The following ZNF92 variants were observed in gnomAD, a reference collection of about 807,000 sequenced individuals.
ZNF92 encodes zinc finger protein 92, also known as epididymis luminal protein 203.
In ZNF92, 11 loss-of-function variants were observed where a neutral mutation model predicts 12.4. That is an observed-to-expected ratio of 0.89 (90% CI 0.56 to 1.47). The LOEUF (loss-of-function observed/expected upper bound fraction) is 1.47, where lower values mean the gene tolerates loss of function less well. Among genes scored for constraint, ZNF92 ranks in the 40% most tolerant of loss-of-function variants. The pLI is 0.00. For synonymous variants in ZNF92, 206 were observed against 228.6 expected (o/e 0.90, Z 0.89); for missense variants, 622 against 681.0 (o/e 0.91, Z 0.96).
intron 1 of ZNF92, among the ~76,000 whole-genome samples, chr7:65,380,443 T>G (rs1187416452): frequency 1.3e-5 from 2 of 152,054 alleles, no homozygotes; most frequent in Non-Finnish European, 2.9e-5. Context: ...TTTTTCTTTT[T>G]GTATTTTTTG....
chr7:65,399,432 T>G lies in ZNF92; in HGVS notation c.1318T>G (p.Phe440Val). The G allele has an allele frequency of 6.2e-7, 1 of 1,603,088 alleles. No homozygotes were observed. The highest frequency in any genetic ancestry group is 8.5e-7 in the Non-Finnish European group (1 of 1,176,378). ...CGKAFSWSSA[F>V]TKHKRNHMED... is the part of the protein sequence containing the mutation. ...CAAGGCCTTTAGCTGGTCCTCAGCTTTTACTAAACATAAGAGAAATCATAT... is the reference window on the plus strand; with the variant it reads ...CAAGGCCTTTAGCTGGTCCTCAGCTGTTACTAAACATAAGAGAAATCATAT... The change falls in exon 4 of 4, where the codon TTT (phenylalanine) becomes GTT (valine). Residue 440 changes from phenylalanine (F) to valine (V), a missense_variant. Phe to Val is a conservative substitution (Grantham distance 50). Coordinates refer to ENST00000328747, the MANE Select transcript of ZNF92 (RefSeq NM_152626.4).
At chr7:65,394,966 C>G (rs1284632945) in intron 3 of ZNF92, among the ~76,000 whole-genome samples, 1 of 152,102 alleles carries the variant, frequency 6.6e-6, no homozygotes, top group Non-Finnish European at 1.5e-5. Flanking sequence ...TTTTTTGACC[C>G]TTGAGCAAAA....
intron 2 of ZNF92, 124 bp downstream of exon 2, chr7:65,388,152 CA>C: frequency 9.1e-7 from 1 of 1,104,464 alleles, no homozygotes; most frequent in South Asian, 1.5e-5. Context: ...TTCAAGAAAA[CA>C]GAGATTTGTC....
At chr7:65,391,342 G>A (rs1793704414) in intron 3 of ZNF92, among the ~76,000 whole-genome samples, 1 of 151,944 alleles carries the variant, frequency 6.6e-6, no homozygotes, top group South Asian at 2.1e-4. Flanking sequence ...CTATCTTCCT[G>A]ATGTCACTCT....
intron 3 of ZNF92, among the ~76,000 whole-genome samples, chr7:65,389,557 GC>G (rs1793658373): frequency 6.6e-6 from 1 of 151,486 alleles, no homozygotes; most frequent in African/African-American, 2.4e-5. Flanking sequence ...TCGCTCTGTC[GC>G]CAGGCTGGAG....
Position 65,373,878 on chromosome 7 carries a change from C to T in ZNF92, c.-120C>T, listed in dbSNP as rs1165870512. 2.1e-6 allele frequency: 3 copies of T among 1,414,494 alleles called. No individual in the cohort carries two copies. The highest frequency in any genetic ancestry group is 3.4e-5 in the Admixed American group (2 of 59,082). The allele number at this position is 1,414,494 out of a possible 1,614,324, so 87.6% of individuals were successfully genotyped here. A position where few individuals can be genotyped will look rare whatever the true frequency, so the allele number is the denominator to read the frequency against. Reference sequence around the variant, plus strand: ...TTGTCTCTCGCTGCAGCCGGCGCTCCACGTCTAGTCTTCACTGCTCTGCGT... The same window carrying T: ...TTGTCTCTCGCTGCAGCCGGCGCTCTACGTCTAGTCTTCACTGCTCTGCGT... On this transcript the variant is annotated 5_prime_UTR_variant, in exon 1 of 4. Transcript: ENST00000328747.
chr7:65,399,769 T>G lies in ZNF92; in HGVS notation c.1655T>G (p.Leu552Arg), dbSNP rs1432498593. 1.2e-6 allele frequency: 2 copies of G among 1,613,526 alleles called. No individual in the cohort carries two copies. Among genetic ancestry groups the G allele is most frequent in the Non-Finnish European group, 1.7e-6 (2 of 1,179,680 alleles). ...AAAGCCTTTAACAAGTTCTCAACCC[T>G]TATTACACATCAGATAATTTATACT... ...CDKAFNKFST[L>R]ITHQIIYTGE... Residue 552 changes from leucine to arginine, a missense_variant, in exon 4 of 4, where the codon CTT becomes CGT. By Grantham distance (102) the Leu-to-Arg change is moderately radical (BLOSUM62 -2). Coordinates refer to ENST00000328747, the MANE Select transcript of ZNF92 (RefSeq NM_152626.4).
chr7:65,382,610 A>G (rs1793450665), intron 1 of ZNF92, among the ~76,000 whole-genome samples: 2 of 152,052 alleles, frequency 1.3e-5, no homozygotes, highest in Admixed American at 6.6e-5. Context: ...TACCTCTTTC[A>G]ATGACTCTTG....
intron 1 of ZNF92, among the ~76,000 whole-genome samples, chr7:65,385,982 T>C (rs1008060784): frequency 6.6e-6 from 1 of 152,044 alleles, no homozygotes; most frequent in South Asian, 2.1e-4. Context: ...TTTTAACTAC[T>C]GTAAAAAATT....
rs559088295 is a variant in ZNF92 at position 65,401,118 on chromosome 7, A to T, written c.*1243A>T. On this transcript the variant is annotated 3_prime_UTR_variant, in exon 4 of 4. Transcript: ENST00000328747. The stretch of plus-strand genomic sequence containing the variant: ...TGTGAACTTAATTTTGTAATTAAAC[A>T]TTTTTTTTAGCATGCTAAGACTAGT... 1 of 151,806 alleles carries T rather than the reference A, an allele frequency of 6.6e-6. No individual in the cohort carries two copies. The highest frequency in any genetic ancestry group is 1.9e-4 in the East Asian group (1 of 5,172). 9.4% of individuals were successfully genotyped at this position (151,806 alleles called of 1,614,324 possible). A position where few individuals can be genotyped will look rare whatever the true frequency, so the allele number is the denominator to read the frequency against.
chr7:65,387,203 A>T (rs1793592756), intron 1 of ZNF92, among the ~76,000 whole-genome samples: 1 of 151,484 alleles, frequency 6.6e-6, no homozygotes, highest in Non-Finnish European at 1.5e-5. Flanking sequence ...CAGCCTCCCA[A>T]ACTGCTGGGA....
intron 1 of ZNF92, among the ~76,000 whole-genome samples, chr7:65,383,229 G>T (rs1793472076): frequency 1.3e-5 from 2 of 152,016 alleles, no homozygotes; most frequent in South Asian, 2.1e-4. Flanking sequence ...TTACATTTGT[G>T]GTTCCTCAGC....
rs538782579 is a variant in ZNF92, at chr7:65,378,710, C to G, written c.3+4710C>G. 6.8e-3 allele frequency among the ~76,000 whole-genome samples: 1,034 copies of G among 151,392 alleles called. 17 individuals carry two copies. The highest frequency in any genetic ancestry group is 0.023 in the African/African-American group (964 of 41,218). Reference sequence around the variant, plus strand: ...TGAGCCGAGATCGTGCCACTGCACTCCAGCCTGGGCGACAGAGCAAGACTC... The same window carrying G: ...TGAGCCGAGATCGTGCCACTGCACTGCAGCCTGGGCGACAGAGCAAGACTC... On this transcript the variant is annotated intron_variant, in intron 1 of 3. Coordinates refer to ENST00000328747, the MANE Select transcript of ZNF92 (RefSeq NM_152626.4).
chr7:65,374,859 AC>A (rs1166790231), intron 1 of ZNF92, among the ~76,000 whole-genome samples: 9 of 151,906 alleles, frequency 5.9e-5, no homozygotes, highest in Non-Finnish European at 1.2e-4. Context: ...TCTCAAGTCT[AC>A]CCCCCATCCC....
chr7:65,378,663 ACCC>A (rs1793319469), intron 1 of ZNF92, among the ~76,000 whole-genome samples: 1 of 150,696 alleles, frequency 6.6e-6, no homozygotes, highest in Non-Finnish European at 1.5e-5. Context: ...AATGGTGTGA[ACCC>A]GGGAGGCAGA....
At chr7:65,383,541 A>G (rs923339246) in intron 1 of ZNF92, among the ~76,000 whole-genome samples, 4 of 151,950 alleles carry the variant, frequency 2.6e-5, no homozygotes, top group Non-Finnish European at 5.9e-5. Flanking sequence ...GATCTTGTTC[A>G]GTGACCTGTT....
At chr7:65,376,116 T>G (rs1429333929) in intron 1 of ZNF92, among the ~76,000 whole-genome samples, 3 of 151,958 alleles carry the variant, frequency 2.0e-5, no homozygotes, top group Admixed American at 1.3e-4. Context: ...TTTCACTCTG[T>G]TGCCCAGGCT....
intron 1 of ZNF92, 78 bp from the exon 2 acceptor site, chr7:65,387,824 C>T (rs1176863201): frequency 1.4e-6 from 2 of 1,452,452 alleles, no homozygotes; most frequent in Non-Finnish European, 1.8e-6. Flanking sequence ...TTCATTTCAC[C>T]TTAAGTCAAA....
chr7:65,390,524 G>C (rs1562794581), intron 3 of ZNF92, among the ~76,000 whole-genome samples: 1 of 152,130 alleles, frequency 6.6e-6, no homozygotes, highest in Non-Finnish European at 1.5e-5. Flanking sequence ...CTACACTAGG[G>C]TCCACCTTTA....
Sources: allele counts gnomAD v4.1 joint callset (sites outside exome capture counted in the v4.1 genomes callset), GRCh38; gene constraint gnomAD v4.1.1; transcripts MANE v1.5; gene names NCBI Gene and HGNC (gene_info 2026-07-23, HGNC 2026-07-21).